SAMHD1: variants seen among roughly 807,000 people sequenced by gnomAD.
SAMHD1 encodes the protein SAM and HD domain containing deoxynucleoside triphosphate triphosphohydrolase 1.
In SAMHD1, 54 loss-of-function variants were observed where a neutral mutation model predicts 79.6. The ratio of observed to expected loss-of-function variants is 0.68; its 90% confidence interval spans 0.55 to 0.85. The LOEUF (loss-of-function observed/expected upper bound fraction) is 0.85. Among genes scored for constraint, SAMHD1 ranks in the 40% least tolerant of loss-of-function variants. The probability of loss-of-function intolerance (pLI) is 0.00; values close to 1 mark genes in which losing one functional copy is unlikely to be tolerated. For synonymous variants in SAMHD1, 260 were observed against 264.1 expected (o/e 0.98, Z 0.15); for missense variants, 663 against 782.7 (o/e 0.85, Z 1.82).
At chr20:36,896,171 A>T (rs1990193967) in intron 15 of SAMHD1, among the ~76,000 whole-genome samples, 1 of 151,770 alleles carries the variant, frequency 6.6e-6, no homozygotes, top group African/African-American at 2.4e-5. Flanking sequence ...ACGGGGTTTC[A>T]CAGTATTAGC....
At chr20:36,929,878 GA>G (rs1034760490) in intron 5 of SAMHD1, among the ~76,000 whole-genome samples, 1 of 151,258 alleles carries the variant, frequency 6.6e-6, no homozygotes, top group Non-Finnish European at 1.5e-5. Context: ...TTATAAATAT[GA>G]AAAAAAATGG....
At chr20:36,919,236 G>A (rs2063492037) in intron 7 of SAMHD1, 128 bp downstream of exon 7, 5 of 854,136 alleles carry the variant, frequency 5.9e-6, no homozygotes, top group Admixed American at 5.1e-5. Context: ...GCATTAAACA[G>A]TAGAAACATA....
At chr20:36,947,350 T>TGTGTG (rs1568785869) in intron 1 of SAMHD1, among the ~76,000 whole-genome samples, 2 of 114,722 alleles carry the variant, frequency 1.7e-5, no homozygotes, top group Non-Finnish European at 1.9e-5. Flanking sequence ...TGTGTGTGTG[T>TGTGTG]CCTGGGAAAG....
At chr20:36,942,557 T>C (rs969309139) in intron 2 of SAMHD1, among the ~76,000 whole-genome samples, 1 of 152,204 alleles carries the variant, frequency 6.6e-6, no homozygotes, top group African/African-American at 2.4e-5. Flanking sequence ...ATCTAGATTA[T>C]GAAAGAATTT....
chr20:36,943,620 G>A lies in SAMHD1; in HGVS notation c.276-2509C>T, dbSNP rs542525748. The stretch of plus-strand genomic sequence containing the variant: ...AGTGAGCTTTCCAAAAATATTCACT[G>A]AATGAATCAATAGCACTTGGGTCCA... On this transcript the variant is annotated intron_variant, in intron 2 of 15. Transcript: ENST00000646673. Among the ~76,000 whole-genome samples the A allele has an allele frequency of 7.9e-5, 12 of 152,286 alleles. No individual in the cohort carries two copies. The East Asian group carries it at 2.3e-3, about 29-fold the overall frequency.
At chr20:36,919,652 C>T in intron 6 of SAMHD1, 133 bp from the exon 7 acceptor site, 1 of 826,606 alleles carries the variant, frequency 1.2e-6, no homozygotes, top group African/African-American at 1.7e-5. Flanking sequence ...AGTTTCTAAC[C>T]ACAATCTTAG....
intron 15 of SAMHD1, chr20:36,893,886 T>G (rs1488914837): frequency 1.3e-5 from 5 of 398,532 alleles, no homozygotes; most frequent in Non-Finnish European, 2.2e-5. Flanking sequence ...CCATGCCTGT[T>G]GGTTTCCAGT....
At chr20:36,919,557 C>T in intron 6 of SAMHD1, 38 bp from the exon 7 acceptor site, 1 of 1,605,732 alleles carries the variant, frequency 6.2e-7, no homozygotes, top group Non-Finnish European at 8.5e-7. Flanking sequence ...GTTAAAGATT[C>T]TAGCCCATTG....
intron 11 of SAMHD1, among the ~76,000 whole-genome samples, chr20:36,907,564 C>CCG (rs2063412562): frequency 7.5e-6 from 1 of 132,644 alleles, no homozygotes. Flanking sequence ...TTTTTTTAGA[C>CCG]AGACTCACCC....
At chr20:36,944,077 C>CAAAAAAAAAAAAAA (rs542947370) in intron 2 of SAMHD1, among the ~76,000 whole-genome samples, 165 of 89,984 alleles carry the variant, frequency 1.8e-3, no homozygotes, top group African/African-American at 6.5e-3. Flanking sequence ...GACTCCATCT[C>CAAAAAAAAAAAAAA]AAAAAAAAAA....
rs71186089 is a variant in SAMHD1, at chr20:36,912,889, G to GTTTTTTTTTTTTTTTTTTTTT, written c.1063-358_1063-338dup. ...TGTACCCAGCTAACTTTCATTCTTT[G>GTTTTTTTTTTTTTTTTTTTTT]TTTTTTTTTTTTTTTTTTTTTTTTT... On this transcript the variant is annotated intron_variant, in intron 9 of 15. Coordinates refer to ENST00000646673, the MANE Select transcript of SAMHD1 (RefSeq NM_015474.4). Among the ~76,000 whole-genome samples the GTTTTTTTTTTTTTTTTTTTTT allele has an allele frequency of 4.9e-5, 2 of 41,104 alleles. 1 individual carries two copies. Among genetic ancestry groups the GTTTTTTTTTTTTTTTTTTTTT allele is most frequent in the Non-Finnish European group, 8.2e-5 (2 of 24,388 alleles). The allele number at this position is 41,104 out of a possible 152,430, so 27.0% of individuals were successfully genotyped here.
intron 4 of SAMHD1, among the ~76,000 whole-genome samples, chr20:36,934,352 C>T (rs540095978): frequency 2.0e-5 from 3 of 151,060 alleles, no homozygotes; most frequent in Non-Finnish European, 2.9e-5. Flanking sequence ...GGTGAAACCC[C>T]GTCTCTACTA....
chr20:36,895,921 C>T (rs1239087820), intron 15 of SAMHD1, among the ~76,000 whole-genome samples: 3 of 151,966 alleles, frequency 2.0e-5, no homozygotes, highest in Non-Finnish European at 2.9e-5. Context: ...CTAAACAATA[C>T]AGTATTAACA....
chr20:36,930,233 T>C (rs968142354), intron 5 of SAMHD1, among the ~76,000 whole-genome samples: 7 of 152,126 alleles, frequency 4.6e-5, no homozygotes, highest in African/African-American at 1.7e-4. Flanking sequence ...CGGTGGCTCA[T>C]GCCTGTAATC....
At chr20:36,926,516 T>C (rs1317095706) in intron 6 of SAMHD1, among the ~76,000 whole-genome samples, 1 of 152,156 alleles carries the variant, frequency 6.6e-6, no homozygotes, top group Non-Finnish European at 1.5e-5. Flanking sequence ...CATATGGATG[T>C]ATACGCCTGT....
At chr20:36,903,830 C>T (rs1414595672) in intron 13 of SAMHD1, 7 of 226,726 alleles carry the variant, frequency 3.1e-5, no homozygotes, top group South Asian at 1.1e-4. Flanking sequence ...GGATTACAGG[C>T]GTGAGCCACC....
At chr20:36,916,298 T>A (rs2063474878) in intron 9 of SAMHD1, among the ~76,000 whole-genome samples, 1 of 151,830 alleles carries the variant, frequency 6.6e-6, no homozygotes, top group Non-Finnish European at 1.5e-5. Flanking sequence ...TCTCACAGGG[T>A]TATACGGAAT....
intron 10 of SAMHD1, 184 bp from the exon 11 acceptor site, chr20:36,911,517 G>A: frequency 1.7e-6 from 1 of 593,600 alleles, no homozygotes; most frequent in Non-Finnish European, 3.0e-6. Context: ...TGCTTACTGT[G>A]TTCCAGGCAC....
chr20:36,942,961 CTTACTTGTTAAAAA>C (rs1171614683), intron 2 of SAMHD1, among the ~76,000 whole-genome samples: 5 of 152,098 alleles, frequency 3.3e-5, no homozygotes, highest in Non-Finnish European at 7.4e-5. Flanking sequence ...TGGCCTGTTT[CTTACTTGTTAAAAA>C]AACCTTTATA....
Sources: allele counts gnomAD v4.1 joint callset (sites outside exome capture counted in the v4.1 genomes callset), GRCh38; gene constraint gnomAD v4.1.1; transcripts MANE v1.5; gene names NCBI Gene and HGNC (gene_info 2026-07-23, HGNC 2026-07-21).